MECOM: variants seen among roughly 807,000 people sequenced by gnomAD.
MECOM encodes the protein MDS1 and EVI1 complex locus, also known as histone-lysine N-methyltransferase MECOM.
MECOM carries 13 observed loss-of-function variants against 116.3 expected under a neutral mutation model. The observed-to-expected ratio is 0.11, with a 90% CI of 0.07 to 0.18. The LOEUF is 0.18. Ranked by LOEUF, MECOM falls within the 10% of genes least tolerant of loss-of-function variation. MECOM has a pLI of 1.00. For missense variants in MECOM, 1,299 were observed against 1,509.0 expected (o/e 0.86, Z 2.31); for synonymous variants, 528 against 535.2 (o/e 0.99, Z 0.19).
intron 1 of MECOM, among the ~76,000 whole-genome samples, chr3:169,592,177 A>C (rs1766502609): frequency 2.0e-5 from 3 of 152,016 alleles, no homozygotes; most frequent in Non-Finnish European, 4.4e-5. Context: ...TCCCAAACAC[A>C]CCACTAGAAA....
chr3:169,613,403 CTTTAAG>C (rs964444499), intron 1 of MECOM: 2 of 152,136 alleles, frequency 1.3e-5, no homozygotes, highest in African/African-American at 4.8e-5. Flanking sequence ...TTCCTTCTGT[CTTTAAG>C]TTTTTTGGAA....
In MECOM at chr3:169,270,100, A is replaced by T. The variant is rs527893485; in HGVS notation, c.375+111087T>A. Among the ~76,000 whole-genome samples the T allele has an allele frequency of 1.7e-3, 264 of 152,264 alleles. 1 individual carries two copies. Among genetic ancestry groups the T allele is most frequent in the African/African-American group, 5.9e-3 (244 of 41,550 alleles). ...GTGCATATTCAAACGCACTCAACAA[A>T]AAAGGACAATGTATAGTAGTTATAA... is the stretch of plus-strand genomic sequence containing the variant. On this transcript the variant is annotated intron_variant, in intron 2 of 16. Transcript: ENST00000651503.
In MECOM at chr3:169,251,988, T is replaced by C. The variant is rs368439930; in HGVS notation, c.376-108156A>G. The stretch of plus-strand genomic sequence containing the variant: ...ATTGTATAGTTTTTAGATGTACATT[T>C]ATTTTATTGAGGTTATGGTGTTGGA... On this transcript the variant is annotated intron_variant, in intron 2 of 16. Transcript: ENST00000651503. 7.9e-5 allele frequency among the ~76,000 whole-genome samples: 12 copies of C among 152,324 alleles called. No individual in the cohort carries two copies. In the East Asian group the frequency reaches 2.1e-3, roughly 27 times the overall value.
At position 169,100,861 on chromosome 3, in the gene MECOM, A is replaced by G. The variant is rs766419026; in HGVS notation, c.2849+24T>C. On this transcript the variant is annotated intron_variant, in intron 12 of 16. Coordinates refer to ENST00000651503, the MANE Select transcript of MECOM (RefSeq NM_004991.4). The stretch of plus-strand genomic sequence containing the variant: ...TAATTATTACAATATTTATCAAGAT[A>G]TTTAGCAAATATCATTGTCAGACCT... 5 of 1,390,402 alleles carry G rather than the reference A, an allele frequency of 3.6e-6. No individual in the cohort carries two copies. The East Asian group carries it at 1.2e-4, about 34-fold the overall frequency. The allele number at this position is 1,390,402 out of a possible 1,614,324, so 86.1% of individuals were successfully genotyped here.
At chr3:169,626,847 T>C (rs1771440858) in intron 1 of MECOM, among the ~76,000 whole-genome samples, 1 of 152,054 alleles carries the variant, frequency 6.6e-6, no homozygotes, top group African/African-American at 2.4e-5. Flanking sequence ...TTTCATCTTA[T>C]CCCTGCTTCT....
At chr3:169,353,845 T>C (rs1726805929) in intron 2 of MECOM, among the ~76,000 whole-genome samples, 1 of 151,882 alleles carries the variant, frequency 6.6e-6, no homozygotes, top group Non-Finnish European at 1.5e-5. Context: ...AACATAACTA[T>C]AAATTTCTTC....
At chr3:169,480,811 G>GT (rs1349820694) in intron 1 of MECOM, among the ~76,000 whole-genome samples, 1 of 151,992 alleles carries the variant, frequency 6.6e-6, no homozygotes, top group Non-Finnish European at 1.5e-5. Context: ...GTGGATGTGT[G>GT]TTTTTTGCTG....
At chr3:169,488,372 C>CAAAAAAAAAAAAAAAAAAA (rs758493062) in intron 1 of MECOM, among the ~76,000 whole-genome samples, 1 of 62,394 alleles carries the variant, frequency 1.6e-5, no homozygotes, top group Non-Finnish European at 3.3e-5. Context: ...ACTAAAAATA[C>CAAAAAAAAAAAAAAAAAAA]AAAAAAAAAA....
chr3:169,647,050 GTCTTTTTTCCAAAA>G (rs1432839207), intron 1 of MECOM, among the ~76,000 whole-genome samples: 5 of 152,132 alleles, frequency 3.3e-5, no homozygotes, highest in Non-Finnish European at 7.3e-5. Context: ...AAGTTAAAGT[GTCTTTTTTCCAAAA>G]TCTTATTACG....
intron 1 of MECOM, among the ~76,000 whole-genome samples, chr3:169,547,552 G>T (rs1220203914): frequency 1.3e-5 from 2 of 152,100 alleles, no homozygotes; most frequent in African/African-American, 4.8e-5. Context: ...GACCTTCTTT[G>T]GGAAGTTATT....
At chr3:169,625,608 A>G (rs977165100) in intron 1 of MECOM, among the ~76,000 whole-genome samples, 4 of 152,340 alleles carry the variant, frequency 2.6e-5, no homozygotes, top group African/African-American at 9.6e-5. Context: ...AAAGACTTCA[A>G]TCCCATTATC....
At chr3:169,242,644 T>A (rs1332776839) in intron 2 of MECOM, among the ~76,000 whole-genome samples, 1 of 151,996 alleles carries the variant, frequency 6.6e-6, no homozygotes, top group African/African-American at 2.4e-5. Context: ...TCATACTGAT[T>A]GACGAAACCA....
intron 2 of MECOM, chr3:169,146,431 G>C (rs765452858): frequency 4.3e-6 from 6 of 1,391,428 alleles, no homozygotes; most frequent in Non-Finnish European, 5.7e-6. Context: ...GGAAGGAGGA[G>C]AAGAGCGCAA....
At chr3:169,193,643 TTTAAAGAAAAAATA>T (rs1466120640) in intron 2 of MECOM, among the ~76,000 whole-genome samples, 1 of 151,860 alleles carries the variant, frequency 6.6e-6, no homozygotes, top group Non-Finnish European at 1.5e-5. Context: ...TGGAAAAACA[TTTAAAGAAAAAATA>T]TTAAATAAAA....
chr3:169,576,214 G>A (rs529952877), intron 1 of MECOM, among the ~76,000 whole-genome samples: 3 of 152,162 alleles, frequency 2.0e-5, no homozygotes, highest in East Asian at 3.9e-4. Context: ...CCTTAAAACA[G>A]TATGTCATTC....
At chr3:169,304,430 A>G (rs1324997715) in intron 2 of MECOM, among the ~76,000 whole-genome samples, 4 of 152,202 alleles carry the variant, frequency 2.6e-5, no homozygotes, top group Non-Finnish European at 5.9e-5. Context: ...GCCAATTGAC[A>G]AGTAATAAAA....
intron 1 of MECOM, chr3:169,484,051 G>GTATAGCTACCTA (rs1560337347): frequency 6.6e-6 from 8 of 1,203,118 alleles, no homozygotes; most frequent in Non-Finnish European, 8.4e-6. Context: ...CTAATGGAAA[G>GTATAGCTACCTA]TACAACCTAT....
intron 2 of MECOM, chr3:169,145,754 A>G (rs1207118074): frequency 4.6e-6 from 1 of 218,078 alleles, no homozygotes; most frequent in African/African-American, 2.2e-5. Context: ...TATTACATAC[A>G]CTGCACATAA....
intron 2 of MECOM, among the ~76,000 whole-genome samples, chr3:169,313,852 AGCAAAGAGT>A (rs1408471782): frequency 1.3e-5 from 2 of 152,222 alleles, no homozygotes; most frequent in African/African-American, 4.8e-5. Context: ...TAAGGATATA[AGCAAAGAGT>A]ATTCACAAGT....
Sources: allele counts gnomAD v4.1 joint callset (sites outside exome capture counted in the v4.1 genomes callset), GRCh38; gene constraint gnomAD v4.1.1; transcripts MANE v1.5; gene names NCBI Gene and HGNC (gene_info 2026-07-23, HGNC 2026-07-21).